BMPR1A: variants seen among roughly 807,000 people sequenced by gnomAD.
The protein encoded by BMPR1A is bone morphogenetic protein receptor type-1A.
A neutral mutation model predicts 66.0 loss-of-function variants in BMPR1A; 7 were observed. That is an observed-to-expected ratio of 0.11 (90% CI 0.06 to 0.20). The LOEUF is 0.20. Ranked by LOEUF, BMPR1A falls within the 10% of genes least tolerant of loss-of-function variation. BMPR1A has a pLI of 1.00. For synonymous variants in BMPR1A, 200 were observed against 229.7 expected, an observed-to-expected ratio of 0.87 and a Z score of 1.17; for missense variants, 408 against 669.1, an observed-to-expected ratio of 0.61 and a Z score of 4.31.
intron 1 of BMPR1A, among the ~76,000 whole-genome samples, chr10:86,766,617 C>CTTTTTTTTTTTTTTTTTTTTTTTTT (rs71019427): frequency 7.6e-6 from 1 of 131,298 alleles, no homozygotes; most frequent in African/African-American, 3.2e-5. Context: ...TCATATCAGT[C>CTTTTTTTTTTTTTTTTTTTTTTTTT]TTTTTTTTTT....
intron 8 of BMPR1A, among the ~76,000 whole-genome samples, chr10:86,915,713 C>T (rs960217241): frequency 1.3e-5 from 2 of 152,014 alleles, no homozygotes; most frequent in African/African-American, 2.4e-5. Flanking sequence ...AGCAACGGAG[C>T]GAGACTCTGT....
intron 1 of BMPR1A, among the ~76,000 whole-genome samples, chr10:86,786,283 T>C (rs1383844353): frequency 6.6e-6 from 1 of 152,152 alleles, no homozygotes; most frequent in African/African-American, 2.4e-5. Flanking sequence ...ACTCCATTTT[T>C]CCTTCTAACC....
chr10:86,768,849 A>C (rs1841206691), intron 1 of BMPR1A, among the ~76,000 whole-genome samples: 1 of 152,206 alleles, frequency 6.6e-6, no homozygotes, highest in African/African-American at 2.4e-5. Flanking sequence ...TATGTGAAAC[A>C]AGGATAATAA....
Position 86,861,709 on chromosome 10 carries a change from G to A in BMPR1A, c.-152-14158G>A, listed in dbSNP as rs1842715975. On this transcript the variant is annotated intron_variant, in intron 2 of 12. Coordinates refer to ENST00000372037, the MANE Select transcript of BMPR1A (RefSeq NM_004329.3). ...GACATTTTAGATTTGGGGATGTGGT[G>A]TTTACTTATACAAGCCTTTCTTAAG... Among the ~76,000 whole-genome samples the A allele has an allele frequency of 4.6e-5, 7 of 152,202 alleles. No homozygotes were observed. The South Asian group carries it at 1.2e-3, about 27-fold the overall frequency.
intron 1 of BMPR1A, among the ~76,000 whole-genome samples, chr10:86,791,733 C>CTTCCTTCG (rs1399422614): frequency 4.3e-5 from 5 of 115,124 alleles, no homozygotes; most frequent in Non-Finnish European, 7.0e-5. Flanking sequence ...TCCTTCCTTC[C>CTTCCTTCG]CTCCCTCCCT....
At position 86,833,575 on chromosome 10, in the gene BMPR1A, G is replaced by A. The variant is rs888855636; in HGVS notation, c.-267-5290G>A. Among the ~76,000 whole-genome samples the A allele has an allele frequency of 5.3e-5, 8 of 152,252 alleles. No homozygotes were observed. The East Asian group carries it at 1.5e-3, about 29-fold the overall frequency. On this transcript the variant is annotated intron_variant, in intron 1 of 12. Coordinates refer to ENST00000372037, the MANE Select transcript of BMPR1A (RefSeq NM_004329.3). ...AATTGGGCACTTTTTGGCTAACGGT[G>A]CTGCCATTAGCCAAAAAGTGACTGC...
At chr10:86,796,736 C>G (rs1564687982) in intron 1 of BMPR1A, among the ~76,000 whole-genome samples, 1 of 151,902 alleles carries the variant, frequency 6.6e-6, no homozygotes, top group East Asian at 1.9e-4. Flanking sequence ...ACCACTCCAG[C>G]TAATTTTTGT....
At chr10:86,825,380 C>G (rs1354751219) in intron 1 of BMPR1A, among the ~76,000 whole-genome samples, 6 of 152,060 alleles carry the variant, frequency 3.9e-5, no homozygotes, top group Admixed American at 3.9e-4. Flanking sequence ...AACATCCTTG[C>G]CCTCAAATTG....
chr10:86,781,666 C>G (rs1841438746), intron 1 of BMPR1A, among the ~76,000 whole-genome samples: 1 of 151,978 alleles, frequency 6.6e-6, no homozygotes, highest in African/African-American at 2.4e-5. Flanking sequence ...TAGAGCAACT[C>G]CCTATTTCCC....
intron 1 of BMPR1A, among the ~76,000 whole-genome samples, chr10:86,804,792 G>GTTTTTTTTTTTTTTTTT (rs5786747): frequency 7.0e-5 from 4 of 57,268 alleles, no homozygotes; most frequent in African/African-American, 8.2e-5. Context: ...GTTTGTAGGT[G>GTTTTTTTTTTTTTTTTT]TTTTTTTTTT....
In BMPR1A at chr10:86,899,238, T is replaced by G. The variant is rs1398637049; in HGVS notation, c.334-556T>G. 3.3e-5 allele frequency among the ~76,000 whole-genome samples: 5 copies of G among 152,232 alleles called. No homozygotes were observed. The East Asian group carries it at 5.8e-4, about 18-fold the overall frequency. ...GACTGTGTCCTTCTCTGTGCTAGCT[T>G]TCTGCTCTCTTAGGGACAGTCTCCT... On this transcript the variant is annotated intron_variant, in intron 5 of 12. Transcript: ENST00000372037.
intron 7 of BMPR1A, among the ~76,000 whole-genome samples, chr10:86,910,457 T>C (rs897516225): frequency 6.6e-6 from 1 of 152,216 alleles, no homozygotes; most frequent in Non-Finnish European, 1.5e-5. Flanking sequence ...TTACGTGGAA[T>C]GATACCCCAG....
intron 1 of BMPR1A, among the ~76,000 whole-genome samples, chr10:86,767,288 C>G (rs185155039): frequency 1.3e-5 from 2 of 152,168 alleles, no homozygotes; most frequent in South Asian, 4.1e-4. Context: ...TAAAATATTT[C>G]GTATTGCTAA....
chr10:86,897,018 A>T lies in BMPR1A; in HGVS notation c.334-2776A>T, dbSNP rs575443964. 2.2e-3 allele frequency among the ~76,000 whole-genome samples: 330 copies of T among 152,252 alleles called. 1 individual carries two copies. The highest frequency in any genetic ancestry group is 3.1e-3 in the South Asian group (15 of 4,810). On this transcript the variant is annotated intron_variant, in intron 5 of 12. Coordinates refer to ENST00000372037, the MANE Select transcript of BMPR1A (RefSeq NM_004329.3). ...CACAGAACAGATGTGAGTGCCTCTC[A>T]CCAGGCCTCGCGTTCTTCCACTCCC...
intron 1 of BMPR1A, among the ~76,000 whole-genome samples, chr10:86,831,800 A>G (rs1462729739): frequency 6.6e-6 from 1 of 151,976 alleles, no homozygotes; most frequent in African/African-American, 2.4e-5. Context: ...TCCTTGTACA[A>G]GTGTCTTTTT....
intron 3 of BMPR1A, among the ~76,000 whole-genome samples, chr10:86,885,157 T>G (rs574138907): frequency 1.3e-5 from 2 of 152,358 alleles, no homozygotes; most frequent in Non-Finnish European, 2.9e-5. Context: ...GCCCACAAAC[T>G]AAATCCAGCG....
At chr10:86,891,640 G>A (rs1268278767) in intron 4 of BMPR1A, among the ~76,000 whole-genome samples, 1 of 152,120 alleles carries the variant, frequency 6.6e-6, no homozygotes, top group Non-Finnish European at 1.5e-5. Context: ...ATCATATTCA[G>A]TAAAAGGTGC....
At chr10:86,801,256 C>T (rs1264082203) in intron 1 of BMPR1A, among the ~76,000 whole-genome samples, 3 of 152,184 alleles carry the variant, frequency 2.0e-5, no homozygotes, top group Non-Finnish European at 4.4e-5. Flanking sequence ...ATCCTCCCAC[C>T]TCAGCCTCCT....
chr10:86,874,195 C>G (rs1185858183), intron 2 of BMPR1A, among the ~76,000 whole-genome samples: 1 of 152,062 alleles, frequency 6.6e-6, no homozygotes, highest in Non-Finnish European at 1.5e-5. Context: ...TACTAATTAG[C>G]CTTTTCCCCC....
Sources: allele counts gnomAD v4.1 joint callset (sites outside exome capture counted in the v4.1 genomes callset), GRCh38; gene constraint gnomAD v4.1.1; transcripts MANE v1.5; gene names NCBI Gene and HGNC (gene_info 2026-07-23, HGNC 2026-07-21).